The following WWOX variants were observed in gnomAD, a reference collection of about 807,000 sequenced individuals.
WWOX encodes WW domain-containing oxidoreductase.
In WWOX, 69 loss-of-function variants were observed where a neutral mutation model predicts 46.2. That is an observed-to-expected ratio of 1.49 (90% CI 1.23 to 1.82). The LOEUF (loss-of-function observed/expected upper bound fraction) is 1.82, where lower values mean the gene tolerates loss of function less well. WWOX is among the 40% of genes most tolerant of loss of function. The pLI, the probability that WWOX is intolerant of heterozygous loss-of-function variation, is 0.00. For missense variants in WWOX, 919 were observed against 542.6 expected, an observed-to-expected ratio of 1.69 and a Z score of -6.89; for synonymous variants, 359 against 202.6, an observed-to-expected ratio of 1.77 and a Z score of -6.56.
chr16:78,531,033 T>A (rs1262227620), intron 8 of WWOX, among the ~76,000 whole-genome samples: 1 of 152,258 alleles, frequency 6.6e-6, no homozygotes, highest in Admixed American at 6.5e-5. Context: ...TTATCACTTC[T>A]CCATTAACTG....
chr16:79,022,857 G>A (rs1003520564), intron 8 of WWOX, among the ~76,000 whole-genome samples: 1 of 152,154 alleles, frequency 6.6e-6, no homozygotes, highest in Admixed American at 6.5e-5. Flanking sequence ...TCTGTGCTTT[G>A]CACTTTCTGG....
intron 8 of WWOX, among the ~76,000 whole-genome samples, chr16:78,669,809 G>A (rs1185515257): frequency 6.6e-6 from 1 of 152,170 alleles, no homozygotes; most frequent in Non-Finnish European, 1.5e-5. Context: ...CAGTGACTCA[G>A]AAGACTTCAT....
intron 8 of WWOX, among the ~76,000 whole-genome samples, chr16:78,490,432 C>T (rs546667047): frequency 2.6e-5 from 4 of 152,250 alleles, no homozygotes; most frequent in East Asian, 1.9e-4. Flanking sequence ...CTTTGGTGCT[C>T]GTAATTGGTG....
intron 8 of WWOX, among the ~76,000 whole-genome samples, chr16:79,182,439 G>A (rs1297842682): frequency 6.6e-6 from 1 of 152,032 alleles, no homozygotes; most frequent in Non-Finnish European, 1.5e-5. Flanking sequence ...CTAAATATGT[G>A]CCATCTTTGT....
intron 8 of WWOX, among the ~76,000 whole-genome samples, chr16:79,177,476 A>C: frequency 6.6e-6 from 1 of 152,156 alleles, no homozygotes; most frequent in South Asian, 2.1e-4. Flanking sequence ...AAGCAACCCA[A>C]CAAAGCTTTT....
intron 8 of WWOX, among the ~76,000 whole-genome samples, chr16:78,708,184 CTG>C (rs2048364788): frequency 6.6e-6 from 1 of 152,142 alleles, no homozygotes; most frequent in Non-Finnish European, 1.5e-5. Context: ...GAGCAAGACC[CTG>C]TGTCTTAAAA....
At chr16:78,999,146 T>C (rs1269682448) in intron 8 of WWOX, among the ~76,000 whole-genome samples, 1 of 132,170 alleles carries the variant, frequency 7.6e-6, no homozygotes, top group Non-Finnish European at 1.6e-5. Flanking sequence ...ATGCTTCTTC[T>C]TTTTTTTTTT....
chr16:78,426,953 C>T (rs1230512188), intron 7 of WWOX, among the ~76,000 whole-genome samples: 2 of 152,190 alleles, frequency 1.3e-5, no homozygotes, highest in Admixed American at 6.5e-5. Flanking sequence ...TGAGCCACCA[C>T]GCCCGGCCTC....
At chr16:78,657,614 T>C (rs1249517542) in intron 8 of WWOX, among the ~76,000 whole-genome samples, 1 of 152,194 alleles carries the variant, frequency 6.6e-6, no homozygotes, top group Admixed American at 6.5e-5. Flanking sequence ...CTTTGTTTCT[T>C]GCAGTCAGGT....
intron 8 of WWOX, among the ~76,000 whole-genome samples, chr16:79,013,691 G>A (rs1426729915): frequency 2.0e-5 from 3 of 152,192 alleles, no homozygotes; most frequent in Non-Finnish European, 4.4e-5. Context: ...TACCCAAGTT[G>A]ACTTGGAGAA....
chr16:78,877,907 A>G (rs913212362), intron 8 of WWOX, among the ~76,000 whole-genome samples: 1 of 152,174 alleles, frequency 6.6e-6, no homozygotes, highest in Non-Finnish European at 1.5e-5. Flanking sequence ...CAGCGCCCAC[A>G]GATACTCCTG....
At chr16:78,533,438 C>G (rs920473505) in intron 8 of WWOX, among the ~76,000 whole-genome samples, 1 of 149,498 alleles carries the variant, frequency 6.7e-6, no homozygotes, top group African/African-American at 2.5e-5. Flanking sequence ...CCCAAAAAAT[C>G]TCATAATGTT....
chr16:78,467,965 G>A (rs1720644053), intron 8 of WWOX, among the ~76,000 whole-genome samples: 1 of 152,100 alleles, frequency 6.6e-6, no homozygotes, highest in South Asian at 2.1e-4. Context: ...TCTGACATCT[G>A]TTGACAAATG....
chr16:79,086,158 A>G (rs1007325553), intron 8 of WWOX, among the ~76,000 whole-genome samples: 2 of 152,204 alleles, frequency 1.3e-5, no homozygotes, highest in East Asian at 1.9e-4. Context: ...TAAACGGATC[A>G]CATTGCCACT....
intron 5 of WWOX, among the ~76,000 whole-genome samples, chr16:78,355,243 TG>T (rs2081260652): frequency 8.3e-6 from 1 of 120,232 alleles, no homozygotes; most frequent in African/African-American, 3.3e-5. Context: ...CTCCTGTGTG[TG>T]TGTGTGTCTG....
At chr16:78,225,753 T>A (rs1046152221) in intron 5 of WWOX, among the ~76,000 whole-genome samples, 2 of 152,342 alleles carry the variant, frequency 1.3e-5, no homozygotes, top group South Asian at 4.1e-4. Context: ...TGTGCTTCAA[T>A]GTAATTATTC....
At chr16:78,300,866 C>T (rs1436653815) in intron 5 of WWOX, among the ~76,000 whole-genome samples, 1 of 152,154 alleles carries the variant, frequency 6.6e-6, no homozygotes, top group Non-Finnish European at 1.5e-5. Flanking sequence ...CATATGTTCA[C>T]CACCTAGACT....
At chr16:78,816,458 A>G (rs1233500220) in intron 8 of WWOX, among the ~76,000 whole-genome samples, 1 of 150,578 alleles carries the variant, frequency 6.6e-6, no homozygotes, top group Non-Finnish European at 1.5e-5. Context: ...GCTTACTCAA[A>G]ATCCTGCCAA....
At chr16:79,158,228 G>A (rs2050419657) in intron 8 of WWOX, among the ~76,000 whole-genome samples, 1 of 152,140 alleles carries the variant, frequency 6.6e-6, no homozygotes, top group Non-Finnish European at 1.5e-5. Flanking sequence ...GAACTATTAA[G>A]GAGGAGATGA....
Sources: allele counts gnomAD v4.1 joint callset (sites outside exome capture counted in the v4.1 genomes callset), GRCh38; gene constraint gnomAD v4.1.1; transcripts MANE v1.5; gene names NCBI Gene and HGNC (gene_info 2026-07-23, HGNC 2026-07-21).